FSTL4: variants seen among roughly 807,000 people sequenced by gnomAD.
The protein encoded by FSTL4 is follistatin like 4, also known as follistatin-related protein 4.
In FSTL4, 28 loss-of-function variants were observed where a neutral mutation model predicts 78.2. The ratio of observed to expected loss-of-function variants is 0.36; its 90% CI spans 0.27 to 0.49. The LOEUF (loss-of-function observed/expected upper bound fraction) is 0.49. Among genes scored for constraint, FSTL4 ranks in the 20% least tolerant of loss-of-function variants. The probability of loss-of-function intolerance (pLI) is 0.98; values close to 1 mark genes in which losing one functional copy is unlikely to be tolerated. For synonymous variants in FSTL4, 422 were observed against 440.5 expected (o/e 0.96, Z 0.53); for missense variants, 922 against 1,084.9 (o/e 0.85, Z 2.11).
the FSTL4 span, among the ~76,000 whole-genome samples, chr5:133,766,015 A>T: frequency 6.6e-6 from 1 of 152,236 alleles, no homozygotes; most frequent in South Asian, 2.1e-4. Flanking sequence ...ATTTTCAAAC[A>T]CCTACCAGAT....
chr5:133,440,544 G>A lies in FSTL4; in HGVS notation c.161-39558C>T, dbSNP rs780886614. 5.9e-5 allele frequency among the ~76,000 whole-genome samples: 9 copies of A among 152,220 alleles called. No homozygotes were observed. The highest frequency in any genetic ancestry group is 1.3e-4 in the Non-Finnish European group (9 of 68,034). ...CTTCCTGGGAGAAGCAGTCGGTACT[G>A]GACTTAGCTTATCGCCTCCCCAGGA... On this transcript the variant is annotated intron_variant, in intron 3 of 15. Transcript: ENST00000265342. This position sits in a 1 kb window ranked among gnomAD's most constrained non-coding sequence, Gnocchi z 4.1.
chr5:133,738,535 C>T, the FSTL4 span, among the ~76,000 whole-genome samples: 1 of 152,296 alleles, frequency 6.6e-6, no homozygotes. Flanking sequence ...ATGCACCACC[C>T]CACTCTGCTT....
chr5:133,444,369 A>T (rs1449512303), intron 3 of FSTL4, among the ~76,000 whole-genome samples: 1 of 152,078 alleles, frequency 6.6e-6, no homozygotes, highest in Admixed American at 6.6e-5. Context: ...TGGGAGCTCC[A>T]GCACCCTCCT....
chr5:133,475,600 C>G (rs1757912273), intron 3 of FSTL4, among the ~76,000 whole-genome samples: 1 of 152,240 alleles, frequency 6.6e-6, no homozygotes, highest in Non-Finnish European at 1.5e-5. Context: ...GTTATTTCTG[C>G]TGCTGGCAAA....
intron 3 of FSTL4, among the ~76,000 whole-genome samples, chr5:133,495,626 A>AGTGAACAGCAAT (rs1758353226): frequency 6.6e-6 from 1 of 152,230 alleles, no homozygotes; most frequent in South Asian, 2.1e-4. Context: ...GGATCATCAC[A>AGTGAACAGCAAT]GTGAACAGCA....
chr5:133,571,746 C>T (rs1474218541), intron 2 of FSTL4, among the ~76,000 whole-genome samples: 1 of 151,724 alleles, frequency 6.6e-6, no homozygotes. Context: ...AATGAAATAA[C>T]TGAAAAATTC....
At chr5:133,780,084 C>T in the FSTL4 span, among the ~76,000 whole-genome samples, 1 of 152,178 alleles carries the variant, frequency 6.6e-6, no homozygotes, top group African/African-American at 2.4e-5. Context: ...CGCAGGTGCA[C>T]ACCCATCAGT....
chr5:133,822,310 G>A, the FSTL4 span, among the ~76,000 whole-genome samples: 1 of 152,140 alleles, frequency 6.6e-6, no homozygotes, highest in African/African-American at 2.4e-5. Context: ...AGCCTTTTGA[G>A]ACCTCAATTT....
At chr5:133,214,632 G>T (rs1750850503) in intron 13 of FSTL4, among the ~76,000 whole-genome samples, 1 of 152,178 alleles carries the variant, frequency 6.6e-6, no homozygotes, top group Non-Finnish European at 1.5e-5. Flanking sequence ...AACTCAAAAA[G>T]AAGTTCATCT....
At position 133,281,398 on chromosome 5, in the gene FSTL4, G is replaced by A. The variant is rs544602944; in HGVS notation, c.727+31256C>T. ...AAATCTGACATTCCCTGAGCACCCT[G>A]CCTCGCACTCTGCTAAGCCCTTTAC... On this transcript the variant is annotated intron_variant, in intron 6 of 15. Transcript: ENST00000265342. Among the ~76,000 whole-genome samples, 10 of 152,286 alleles carry A rather than the reference G, an allele frequency of 6.6e-5. No individual in the cohort carries two copies. In the South Asian group the frequency reaches 1.7e-3, roughly 25 times the overall value.
At chr5:133,561,114 T>C (rs1199936309) in intron 3 of FSTL4, among the ~76,000 whole-genome samples, 1 of 146,734 alleles carries the variant, frequency 6.8e-6, no homozygotes, top group African/African-American at 2.5e-5. Context: ...ATAATAATAA[T>C]AATAATAATA....
At chr5:133,655,111 C>T in the FSTL4 span, among the ~76,000 whole-genome samples, 2 of 152,202 alleles carry the variant, frequency 1.3e-5, no homozygotes, top group Non-Finnish European at 2.9e-5. Context: ...TTCCCCTACA[C>T]CTATTTCCTC....
chr5:133,668,676 T>C, the FSTL4 span, among the ~76,000 whole-genome samples: 20 of 152,162 alleles, frequency 1.3e-4, no homozygotes, highest in Admixed American at 1.3e-4. Context: ...CTGGAGACAT[T>C]TGGGCCCCTT....
chr5:133,339,342 G>A (rs1156592190), intron 4 of FSTL4, among the ~76,000 whole-genome samples: 3 of 152,126 alleles, frequency 2.0e-5, no homozygotes, highest in African/African-American at 7.2e-5. Flanking sequence ...CTGGCAACTG[G>A]GCACAGGCCT....
At chr5:133,551,642 G>A (rs1012564086) in intron 3 of FSTL4, among the ~76,000 whole-genome samples, 5 of 152,156 alleles carry the variant, frequency 3.3e-5, no homozygotes, top group East Asian at 3.8e-4. Context: ...TTATAAAATC[G>A]TGTGATTCTG....
chr5:133,539,352 A>G lies in FSTL4; in HGVS notation c.160+27834T>C, dbSNP rs148596733. ...TGCAGCAGCACAAAATCCAGGATCGAAATCAGGTTATCTGTTATCTAAATC... is the reference window on the plus strand; with the variant it reads ...TGCAGCAGCACAAAATCCAGGATCGGAATCAGGTTATCTGTTATCTAAATC... On this transcript the variant is annotated intron_variant, in intron 3 of 15. Coordinates refer to ENST00000265342, the MANE Select transcript of FSTL4 (RefSeq NM_015082.2). Among the ~76,000 whole-genome samples the G allele has an allele frequency of 3.7e-3, 561 of 152,236 alleles. 6 individuals carry two copies. The highest frequency in any genetic ancestry group is 0.013 in the African/African-American group (535 of 41,522).
intron 7 of FSTL4, among the ~76,000 whole-genome samples, chr5:133,238,215 G>A (rs1364720139): frequency 6.6e-6 from 1 of 152,170 alleles, no homozygotes; most frequent in Non-Finnish European, 1.5e-5. Flanking sequence ...TTAGAGTTTA[G>A]GTTAATGATA....
At chr5:133,811,492 A>G in the FSTL4 span, among the ~76,000 whole-genome samples, 1 of 152,218 alleles carries the variant, frequency 6.6e-6, no homozygotes, top group Non-Finnish European at 1.5e-5. Flanking sequence ...TGCCCGAGGC[A>G]TCCCCAAGAA....
the FSTL4 span, among the ~76,000 whole-genome samples, chr5:133,629,199 C>G: frequency 6.6e-6 from 1 of 151,662 alleles, no homozygotes; most frequent in Non-Finnish European, 1.5e-5. Context: ...TGAATTTTAT[C>G]AAAGGCCTTT....
Sources: gnomAD v4.1 joint callset for allele counts (sites outside exome capture counted in the v4.1 genomes callset) on GRCh38, gnomAD v4.1.1 for gene constraint, Gnocchi (gnomAD v3.1) non-coding constraint, MANE v1.5 for transcripts, NCBI Gene and HGNC (gene_info 2026-07-23, HGNC 2026-07-21) for gene names.